Variants in HAS3 observed in about 807,000 individuals in gnomAD.
HAS3 encodes hyaluronan synthase 3, also known as HA synthase 3.
HAS3 carries 27 observed loss-of-function variants against 50.3 expected under a neutral mutation model. That is an observed-to-expected ratio of 0.54 (90% CI 0.40 to 0.74). The LOEUF (loss-of-function observed/expected upper bound fraction) is 0.74. Among genes scored for constraint, HAS3 ranks in the 30% least tolerant of loss-of-function variants. HAS3 has a pLI of 0.00. For missense variants in HAS3, 517 were observed against 742.8 expected (o/e 0.70, Z 3.53); for synonymous variants, 339 against 310.9 (o/e 1.09, Z -0.95).
In HAS3 at chr16:69,116,421, A is replaced by G; in HGVS notation, c.*1155A>G. The G allele has an allele frequency of 3.0e-6, 3 of 985,878 alleles. No individual in the cohort carries two copies. The highest frequency in any genetic ancestry group is 9.4e-5 in the South Asian group (2 of 21,286). The allele number at this position is 985,878 out of a possible 1,614,324, so 61.1% of individuals were successfully genotyped here. A position where few individuals can be genotyped will look rare whatever the true frequency, so the allele number is the denominator to read the frequency against. On this transcript the variant is annotated 3_prime_UTR_variant, in exon 4 of 4. Transcript: ENST00000569188. ...GGACGGATTCCTTGGCAGCCGGGTTAGCATGTGTGACTTTCAGGCTACTGT... is the reference window on the plus strand; with the variant it reads ...GGACGGATTCCTTGGCAGCCGGGTTGGCATGTGTGACTTTCAGGCTACTGT...
At position 69,114,633 on chromosome 16, in the gene HAS3, C is replaced by T; in HGVS notation, c.1029C>T (p.Thr343=). The T allele has an allele frequency of 6.2e-7, 1 of 1,614,096 alleles. No individual in the cohort carries two copies. The highest frequency in any genetic ancestry group is 8.5e-7 in the Non-Finnish European group (1 of 1,180,026). The stretch of plus-strand genomic sequence containing the variant: ...CGCGCTCCAAGTGCCTCACAGAGAC[C>T]CCCACTAAGTACCTCCGGTGGCTCA... ...YTARSKCLTE[T]PTKYLRWLNQ... Residue 343 remains threonine (T), a synonymous_variant, in exon 4 of 4, where the codon ACC becomes ACT. Transcript: ENST00000569188. The surrounding 1 kb of genome is among the most constrained non-coding windows in gnomAD (Gnocchi z 6.4).
At chr16:69,112,304 C>G (rs940599557) in intron 2 of HAS3, among the ~76,000 whole-genome samples, 1 of 152,232 alleles carries the variant, frequency 6.6e-6, no homozygotes, top group Non-Finnish European at 1.5e-5. Context: ...TTCCTGGGCC[C>G]TTCCCAGGCA....
In HAS3 at chr16:69,109,081, G is replaced by C. The variant is rs994026393; in HGVS notation, c.1-315G>C. Among the ~76,000 whole-genome samples, 1 of 152,112 alleles carries C rather than the reference G, an allele frequency of 6.6e-6. No homozygotes were observed. The highest frequency in any genetic ancestry group is 2.4e-5 in the African/African-American group (1 of 41,402). ...CAGCCAGATGTCACGTGACCCTCTG[G>C]GCCTTGGCTTGTCTACCCCAGTGCT... is the stretch of plus-strand genomic sequence containing the variant. On this transcript the variant is annotated intron_variant, in intron 1 of 3. Transcript: ENST00000569188. The surrounding 1 kb of genome is among the most constrained non-coding windows in gnomAD (Gnocchi z 5.3).
chr16:69,096,640 C>T, the HAS3 span, among the ~76,000 whole-genome samples: 2 of 105,066 alleles, frequency 1.9e-5, no homozygotes, highest in African/African-American at 3.9e-5. Flanking sequence ...TTTTTGGAGA[C>T]GGAGTGTCGC....
upstream of HAS3, among the ~76,000 whole-genome samples, chr16:69,104,732 C>A (rs1279951632): frequency 6.6e-6 from 1 of 152,166 alleles, no homozygotes; most frequent in Non-Finnish European, 1.5e-5. Flanking sequence ...GTGTGAGCCA[C>A]TGTGCCTGGC....
Position 69,111,265 on chromosome 16 carries a change from T to C in HAS3, c.636+1234T>C, listed in dbSNP as rs965606766. 5.8e-4 allele frequency among the ~76,000 whole-genome samples: 82 copies of C among 141,030 alleles called. 1 individual carries two copies. Among genetic ancestry groups the C allele is most frequent in the Non-Finnish European group, 1.0e-3 (68 of 66,320 alleles). The allele number at this position is 141,030 out of a possible 152,430, so 92.5% of individuals were successfully genotyped here. A position where few individuals can be genotyped will look rare whatever the true frequency, so the allele number is the denominator to read the frequency against. On this transcript the variant is annotated intron_variant, in intron 2 of 3. Transcript: ENST00000569188. ...TTTGTAGTTTTAGTTAGGGACAGGG[T>C]TTCTCCATGTTGGTCAGGCTGGTCT...
chr16:69,107,820 C>G lies in HAS3; in HGVS notation c.1-1576C>G. 1 of 587,596 alleles carries G rather than the reference C, an allele frequency of 1.7e-6. No individual in the cohort carries two copies. 36.4% of individuals were successfully genotyped at this position (587,596 alleles called of 1,614,324 possible). ...CTGGGAGTCCTGTGAAGGAAGCACA[C>G]GGCGGGCTCCCCGGGACGGTGGGGC... On this transcript the variant is annotated intron_variant, in intron 1 of 3. Transcript: ENST00000569188. The surrounding 1 kb of genome is among the most constrained non-coding windows in gnomAD (Gnocchi z 5.5).
In HAS3 at chr16:69,110,416, T is replaced by A. The variant is rs548923545; in HGVS notation, c.636+385T>A. Among the ~76,000 whole-genome samples, 8 of 152,270 alleles carry A rather than the reference T, an allele frequency of 5.3e-5. No individual in the cohort carries two copies. The East Asian group carries it at 1.5e-3, about 29-fold the overall frequency. On this transcript the variant is annotated intron_variant, in intron 2 of 3. Transcript: ENST00000569188. ...ACCACACCCGGCCTTATTATTATTA[T>A]TTTTTAAAGACAAAGGGTCTCACTA... is the stretch of plus-strand genomic sequence containing the variant.
At chr16:69,085,285 C>G in the HAS3 span, 5 of 152,360 alleles carry the variant, frequency 3.3e-5, no homozygotes, top group Admixed American at 2.6e-4. Flanking sequence ...GTTCTGAGGA[C>G]AGATCCTGAT....
chr16:69,116,699 C>T lies in HAS3; in HGVS notation c.*1433C>T. The T allele has an allele frequency of 2.0e-6, 2 of 985,378 alleles. No individual in the cohort carries two copies. Among genetic ancestry groups the T allele is most frequent in the East Asian group, 1.1e-4 (1 of 8,812 alleles). The allele number at this position is 985,378 out of a possible 1,614,324, so 61.0% of individuals were successfully genotyped here. A position where few individuals can be genotyped will look rare whatever the true frequency, so the allele number is the denominator to read the frequency against. ...CTGAGGCTGTTTTTGGCTGTTTTCC[C>T]TCTGCTGCTTTTGGGGAATGAGGGG... On this transcript the variant is annotated 3_prime_UTR_variant, in exon 4 of 4. Coordinates refer to ENST00000569188, the MANE Select transcript of HAS3 (RefSeq NM_001199280.2).
chr16:69,090,688 C>G, the HAS3 span, among the ~76,000 whole-genome samples: 5,919 of 152,250 alleles, frequency 0.039, 365 homozygotes, highest in African/African-American at 0.13. Context: ...CTGCCTCAGC[C>G]TCCCGAGTAG....
chr16:69,116,444 T>C lies in HAS3; in HGVS notation c.*1178T>C, dbSNP rs1961185665. 1 of 985,876 alleles carries C rather than the reference T, an allele frequency of 1.0e-6. No homozygotes were observed. The allele number at this position is 985,876 out of a possible 1,614,324, so 61.1% of individuals were successfully genotyped here. On this transcript the variant is annotated 3_prime_UTR_variant, in exon 4 of 4. Transcript: ENST00000569188. Reference sequence around the variant, plus strand: ...TTAGCATGTGTGACTTTCAGGCTACTGTTCTTGACAATCATCTCCAATGGA... The same window carrying C: ...TTAGCATGTGTGACTTTCAGGCTACCGTTCTTGACAATCATCTCCAATGGA...
chr16:69,103,195 C>T (rs1384162371), upstream of HAS3, among the ~76,000 whole-genome samples: 4 of 152,204 alleles, frequency 2.6e-5, no homozygotes, highest in Non-Finnish European at 5.9e-5. Context: ...CGTTTGCTCT[C>T]CACCAGGCTG....
chr16:69,102,999 G>A (rs1305832994), upstream of HAS3, among the ~76,000 whole-genome samples: 1 of 143,288 alleles, frequency 7.0e-6, no homozygotes, highest in Non-Finnish European at 1.5e-5. Flanking sequence ...CCTGTGGAGT[G>A]TGCATGTGTG....
chr16:69,098,328 G>A, the HAS3 span, among the ~76,000 whole-genome samples: 1 of 151,672 alleles, frequency 6.6e-6, no homozygotes, highest in South Asian at 2.1e-4. Flanking sequence ...CCGAAATGGC[G>A]CCACTGCACT....
At chr16:69,089,761 C>T in the HAS3 span, among the ~76,000 whole-genome samples, 7 of 152,314 alleles carry the variant, frequency 4.6e-5, no homozygotes, top group South Asian at 1.5e-3. Context: ...TTAGGGAGGT[C>T]ATCCCCTGTT....
upstream of HAS3, among the ~76,000 whole-genome samples, chr16:69,104,521 C>G (rs1288811739): frequency 1.3e-5 from 2 of 152,180 alleles, no homozygotes; most frequent in South Asian, 2.1e-4. Context: ...TGGTCTCTAA[C>G]TTCTGACCTC....
At chr16:69,102,304 A>G (rs995296686), upstream of HAS3, among the ~76,000 whole-genome samples, 2 of 152,242 alleles carry the variant, frequency 1.3e-5, no homozygotes, top group African/African-American at 4.8e-5. Context: ...CCAATTCAGC[A>G]ACATCTGAAT....
chr16:69,086,169 AT>A, the HAS3 span, among the ~76,000 whole-genome samples: 1 of 148,290 alleles, frequency 6.7e-6, no homozygotes, highest in Non-Finnish European at 1.5e-5. Flanking sequence ...TGCCTGGCCA[AT>A]TTTTTTTTCT....
Sources: gnomAD v4.1 joint callset for allele counts (sites outside exome capture counted in the v4.1 genomes callset) on GRCh38, gnomAD v4.1.1 for gene constraint, Gnocchi (gnomAD v3.1) non-coding constraint, MANE v1.5 for transcripts, NCBI Gene and HGNC (gene_info 2026-07-23, HGNC 2026-07-21) for gene names.